DCLK2: variants seen among roughly 807,000 people sequenced by gnomAD.
DCLK2 encodes the protein doublecortin like kinase 2, also known as serine/threonine-protein kinase DCLK2.
DCLK2 carries 31 observed loss-of-function variants against 78.4 expected under a neutral mutation model. That is an observed-to-expected ratio of 0.40 (90% CI 0.30 to 0.53). DCLK2 has a LOEUF of 0.53. Ranked by LOEUF, DCLK2 falls within the 20% of genes least tolerant of loss-of-function variation. The probability of loss-of-function intolerance (pLI) is 0.61; values close to 1 mark genes in which losing one functional copy is unlikely to be tolerated. For missense variants in DCLK2, 872 were observed against 973.7 expected (o/e 0.90, Z 1.39); for synonymous variants, 407 against 374.9 (o/e 1.09, Z -0.99).
chr4:150,167,191 A>G (rs533558217), intron 2 of DCLK2, among the ~76,000 whole-genome samples: 103 of 152,294 alleles, frequency 6.8e-4, no homozygotes, highest in African/African-American at 2.1e-3. Context: ...AATTGGAAGG[A>G]GGAGAGAGAA....
chr4:150,099,846 T>C (rs1420924264), intron 1 of DCLK2, among the ~76,000 whole-genome samples: 1 of 152,208 alleles, frequency 6.6e-6, no homozygotes, highest in Non-Finnish European at 1.5e-5. Flanking sequence ...TTTGTTAACC[T>C]TGTAGGCATT....
At chr4:150,128,987 T>C (rs1383949355) in intron 2 of DCLK2, among the ~76,000 whole-genome samples, 1 of 152,168 alleles carries the variant, frequency 6.6e-6, no homozygotes, top group Non-Finnish European at 1.5e-5. Flanking sequence ...ATGCTAGCAT[T>C]GTGGGTAAAC....
At chr4:150,098,025 C>G (rs927007724) in intron 1 of DCLK2, among the ~76,000 whole-genome samples, 11 of 152,186 alleles carry the variant, frequency 7.2e-5, no homozygotes, top group Admixed American at 7.2e-4. Flanking sequence ...TTATAAGATA[C>G]CATGTGGTGT....
intron 2 of DCLK2, among the ~76,000 whole-genome samples, chr4:150,132,928 A>G (rs960896154): frequency 1.3e-5 from 2 of 152,166 alleles, no homozygotes; most frequent in Non-Finnish European, 2.9e-5. Context: ...ATGCCCAGCT[A>G]ACATTTTGAT....
chr4:150,142,907 A>G (rs1734210426), intron 2 of DCLK2, among the ~76,000 whole-genome samples: 1 of 151,874 alleles, frequency 6.6e-6, no homozygotes, highest in African/African-American at 2.4e-5. Flanking sequence ...TGTACCCATC[A>G]GCCAAATAGC....
At chr4:150,149,218 A>G (rs1229826918) in intron 2 of DCLK2, among the ~76,000 whole-genome samples, 1 of 152,152 alleles carries the variant, frequency 6.6e-6, no homozygotes, top group African/African-American at 2.4e-5. Context: ...ACAACATTTA[A>G]TTCAGTAGCA....
At chr4:150,200,092 G>A (rs58559165) in intron 4 of DCLK2, among the ~76,000 whole-genome samples, 5,537 of 152,230 alleles carry the variant, frequency 0.036, 323 homozygotes, top group African/African-American at 0.12. Context: ...TCCCCCTGAG[G>A]TCAAAAGAGA....
chr4:150,166,116 A>G (rs1736051765), intron 2 of DCLK2, among the ~76,000 whole-genome samples: 1 of 152,216 alleles, frequency 6.6e-6, no homozygotes, highest in South Asian at 2.1e-4. Flanking sequence ...AAAACTAAGA[A>G]GACACCAGGT....
intron 1 of DCLK2, among the ~76,000 whole-genome samples, chr4:150,101,988 ATGT>A (rs1310602617): frequency 1.3e-5 from 2 of 152,266 alleles, no homozygotes; most frequent in East Asian, 3.9e-4. Flanking sequence ...CTATGTGAAG[ATGT>A]TGTGATTATT....
chr4:150,241,408 C>T (rs1226234405), intron 12 of DCLK2, among the ~76,000 whole-genome samples: 1 of 152,118 alleles, frequency 6.6e-6, no homozygotes, highest in Non-Finnish European at 1.5e-5. Flanking sequence ...TTTCATCTCC[C>T]CCTCTGGAGC....
intron 15 of DCLK2, chr4:150,254,578 TG>T (rs1744427828): frequency 2.5e-6 from 1 of 398,196 alleles, no homozygotes; most frequent in East Asian, 3.6e-5. Flanking sequence ...ACCTGTATGC[TG>T]GCTCTCTGCT....
intron 2 of DCLK2, among the ~76,000 whole-genome samples, chr4:150,156,970 A>G (rs962346368): frequency 1.3e-5 from 2 of 151,290 alleles, no homozygotes; most frequent in African/African-American, 4.9e-5. Context: ...AGGTCTTGCT[A>G]TGTTACCCAG....
At chr4:150,121,369 C>T (rs1732526226) in intron 2 of DCLK2, among the ~76,000 whole-genome samples, 1 of 152,168 alleles carries the variant, frequency 6.6e-6, no homozygotes, top group South Asian at 2.1e-4. Context: ...ATGTTCATGG[C>T]ATCTATTCCA....
At chr4:150,218,161 T>C (rs1001995457) in intron 5 of DCLK2, among the ~76,000 whole-genome samples, 2 of 145,218 alleles carry the variant, frequency 1.4e-5, no homozygotes, top group Non-Finnish European at 3.0e-5. Flanking sequence ...CCACTCTCTT[T>C]TAGTCACTGG....
At chr4:150,241,744 A>C (rs1742943093) in intron 12 of DCLK2, among the ~76,000 whole-genome samples, 1 of 152,190 alleles carries the variant, frequency 6.6e-6, no homozygotes, top group African/African-American at 2.4e-5. Context: ...GTGACTGTTG[A>C]GGGCTCACTT....
At chr4:150,200,752 T>C (rs1739390291) in intron 4 of DCLK2, among the ~76,000 whole-genome samples, 1 of 152,238 alleles carries the variant, frequency 6.6e-6, no homozygotes, top group African/African-American at 2.4e-5. Flanking sequence ...TGAAGTCTTC[T>C]GGTTGACTAA....
intron 1 of DCLK2, among the ~76,000 whole-genome samples, chr4:150,088,260 T>A (rs1356811202): frequency 6.6e-6 from 1 of 152,182 alleles, no homozygotes; most frequent in Non-Finnish European, 1.5e-5. Flanking sequence ...AATAGTACAG[T>A]GTAAACTTGT....
At chr4:150,084,642 A>G (rs570536236) in intron 1 of DCLK2, among the ~76,000 whole-genome samples, 59 of 152,366 alleles carry the variant, frequency 3.9e-4, no homozygotes, top group African/African-American at 1.3e-3. Context: ...AGAGTATGAC[A>G]CAGTGATACT....
In DCLK2 at chr4:150,134,142, G is replaced by A. The variant is rs1038922362; in HGVS notation, c.756+31330G>A. The stretch of plus-strand genomic sequence containing the variant: ...GTTGCCCAGGCTGGAGTGCAATGGC[G>A]CAATCTCGGGTCACTGCAACCTCCA... On this transcript the variant is annotated intron_variant, in intron 2 of 15. Coordinates refer to ENST00000296550, the MANE Select transcript of DCLK2 (RefSeq NM_001040260.4). 7.8e-5 allele frequency among the ~76,000 whole-genome samples: 11 copies of A among 140,706 alleles called. No individual in the cohort carries two copies. In the South Asian group the frequency reaches 2.3e-3, roughly 29 times the overall value. The allele number at this position is 140,706 out of a possible 152,430, so 92.3% of individuals were successfully genotyped here.
Sources: allele counts gnomAD v4.1 joint callset (sites outside exome capture counted in the v4.1 genomes callset), GRCh38; gene constraint gnomAD v4.1.1; transcripts MANE v1.5; gene names NCBI Gene and HGNC (gene_info 2026-07-23, HGNC 2026-07-21).